KRT75: variants seen among roughly 807,000 people sequenced by gnomAD.
The protein encoded by KRT75 is keratin, type II cytoskeletal 75.
Under a neutral mutation model 48.8 loss-of-function variants are expected in KRT75, and 35 were observed. The ratio of observed to expected loss-of-function variants is 0.72; its 90% CI spans 0.55 to 0.95. The LOEUF is 0.95. Among genes scored for constraint, KRT75 ranks in the 40% least tolerant of loss-of-function variants. The pLI is 0.00. For missense variants in KRT75, 776 were observed against 709.9 expected, an observed-to-expected ratio of 1.09 and a Z score of -1.06; for synonymous variants, 301 against 282.3, an observed-to-expected ratio of 1.07 and a Z score of -0.66.
At position 52,430,572 on chromosome 12, in the gene KRT75, C is replaced by A. The variant is rs751233083; in HGVS notation, c.1004G>T (p.Arg335Leu). 4 of 1,613,976 alleles carry A rather than the reference C, an allele frequency of 2.5e-6. No homozygotes were observed. The highest frequency in any genetic ancestry group is 3.4e-6 in the Non-Finnish European group (4 of 1,180,016). ...CTGGTACCAGGACTCAGCCTCGGCC[C>A]GGCTGCGGTTGGCAATGTCCTCGTA... ...AQYEDIANRSRAEAESWYQTK... is the reference protein window; with the variant it reads ...AQYEDIANRSLAEAESWYQTK... The change falls in exon 5 of 9, where the codon CGG becomes CTG. Residue 335 changes from arginine (R) to leucine (L), a missense_variant. By Grantham distance (102) the Arg-to-Leu change is moderately radical. Transcript: ENST00000252245.
chr12:52,425,824 G>A (rs1372366909), intron 8 of KRT75, among the ~76,000 whole-genome samples: 1 of 152,236 alleles, frequency 6.6e-6, no homozygotes, highest in Non-Finnish European at 1.5e-5. Context: ...CTCCGGAACT[G>A]TGAGACAAGA....
chr12:52,426,260 C>G (rs1310429215), intron 8 of KRT75, among the ~76,000 whole-genome samples: 2 of 152,246 alleles, frequency 1.3e-5, no homozygotes, highest in Non-Finnish European at 1.5e-5. Flanking sequence ...CTGTAGCCAA[C>G]TGCCATATTT....
Position 52,424,871 on chromosome 12 carries a change from C to CA in KRT75, c.1418-117dup, listed in dbSNP as rs1404714617. On this transcript the variant is annotated intron_variant, in intron 8 of 8. Transcript: ENST00000252245. The stretch of plus-strand genomic sequence containing the variant: ...GGGAGGGGGTGGTCTCGTCAGCCAG[C>CA]AGTTTGCCTCCTTCCAATGTCCCCT... 4 of 812,844 alleles carry CA rather than the reference C, an allele frequency of 4.9e-6. No individual in the cohort carries two copies. The Admixed American group carries it at 7.0e-5, about 14-fold the overall frequency. The allele number at this position is 812,844 out of a possible 1,614,324, so 50.4% of individuals were successfully genotyped here. A position where few individuals can be genotyped will look rare whatever the true frequency, so the allele number is the denominator to read the frequency against.
chr12:52,430,326 G>A (rs777748089), intron 5 of KRT75, among the ~76,000 whole-genome samples: 3 of 152,082 alleles, frequency 2.0e-5, no homozygotes, highest in Non-Finnish European at 4.4e-5. Context: ...GCCAGTGGAT[G>A]TCCTGAGCTC....
Position 52,433,092 on chromosome 12 carries a change from C to A in KRT75, c.659G>T (p.Arg220Met). 6.2e-7 allele frequency: 1 copy of A among 1,614,074 alleles called. No individual in the cohort carries two copies. The stretch of plus-strand genomic sequence containing the variant: ...CATGTTCCTCAGTTCAGCTTCAAGC[C>A]TGCCCCTCTCGGTGGTGATGCTTTC... ...QLESITTERG[R>M]LEAELRNMQD... is the part of the protein sequence containing the mutation. The change falls in exon 2 of 9, where the codon AGG becomes ATG. Residue 220 changes from arginine to methionine, a missense_variant. Physicochemically the swap from Arg to Met is moderately conservative, Grantham distance 91 (BLOSUM62 -1). Coordinates refer to ENST00000252245, the MANE Select transcript of KRT75 (RefSeq NM_004693.3).
At chr12:52,425,495 T>C (rs1940065903) in intron 8 of KRT75, among the ~76,000 whole-genome samples, 1 of 152,200 alleles carries the variant, frequency 6.6e-6, no homozygotes, top group Non-Finnish European at 1.5e-5. Flanking sequence ...GGCCCTGATC[T>C]AACATGACTG....
chr12:52,429,245 AGACCAAC>A (rs1403916723), intron 5 of KRT75, among the ~76,000 whole-genome samples: 8 of 152,190 alleles, frequency 5.3e-5, no homozygotes, highest in East Asian at 1.9e-4. Flanking sequence ...GCGTGCATCC[AGACCAAC>A]TGTGCCCATG....
At chr12:52,425,376 C>T (rs1940064675) in intron 8 of KRT75, among the ~76,000 whole-genome samples, 5 of 152,212 alleles carry the variant, frequency 3.3e-5, no homozygotes, top group Admixed American at 3.3e-4. Flanking sequence ...TGAATTGTGT[C>T]CTTCAAAAAC....
rs773821007 is a variant in KRT75 at position 52,428,296 on chromosome 12, T to A, written c.1342A>T (p.Ile448Phe). 1 of 1,614,016 alleles carries A rather than the reference T, an allele frequency of 6.2e-7. No homozygotes were observed. Among genetic ancestry groups the A allele is most frequent in the Non-Finnish European group, 8.5e-7 (1 of 1,180,004 alleles). ...MNIKLALDVEIATYRKLLEGE... is the reference protein window; with the variant it reads ...MNIKLALDVEFATYRKLLEGE... ...TCCAGCAGCTTGCGGTAGGTGGCGA[T>A]CTCCACGTCCAGGGCCAGCTTGATG... Residue 448 changes from isoleucine to phenylalanine, a missense_variant, in exon 7 of 9, where the codon ATC (isoleucine) becomes TTC (phenylalanine). Coordinates refer to ENST00000252245, the MANE Select transcript of KRT75 (RefSeq NM_004693.3).
chr12:52,430,627 C>A lies in KRT75; in HGVS notation c.949G>T (p.Asp317Tyr). The A allele has an allele frequency of 6.2e-7, 1 of 1,614,180 alleles. No individual in the cohort carries two copies. The highest frequency in any genetic ancestry group is 8.5e-7 in the Non-Finnish European group (1 of 1,180,038). Residue 317 changes from aspartate to tyrosine, a missense_variant, in exon 5 of 9, where the codon GAT (aspartate) becomes TAT (tyrosine). Transcript: ENST00000252245. ...SMDNNRNLDL[D>Y]SIIAEVKAQY... ...GCTTTGACCTCGGCGATGATACTAT[C>A]CAGGTCCAGGTTGCGGTTGTTGTCC... is the stretch of plus-strand genomic sequence containing the variant.
chr12:52,430,764 T>C (rs1940135120), intron 4 of KRT75, 59 bp from the exon 5 acceptor site: 1 of 1,595,614 alleles, frequency 6.3e-7, no homozygotes, highest in African/African-American at 1.3e-5. Context: ...TAAATCTTCG[T>C]GGTTAACTAC....
Position 52,433,977 on chromosome 12 carries a change from C to T in KRT75, c.328G>A (p.Gly110Ser), listed in dbSNP as rs759016392. ...YGGGVGGGFSGPSFPVCPPGG... is the reference protein window; with the variant it reads ...YGGGVGGGFSSPSFPVCPPGG... ...GGGGGACACACGGGGAAGCTGGGGCCACTGAAGCCTCCTCCAACTCCACCC... is the reference window on the plus strand; with the variant it reads ...GGGGGACACACGGGGAAGCTGGGGCTACTGAAGCCTCCTCCAACTCCACCC... Residue 110 changes from glycine to serine, a missense_variant, in exon 1 of 9, where the codon GGC becomes AGC. Coordinates refer to ENST00000252245, the MANE Select transcript of KRT75 (RefSeq NM_004693.3). The T allele has an allele frequency of 6.2e-6, 10 of 1,614,178 alleles. No homozygotes were observed. The highest frequency in any genetic ancestry group is 8.5e-6 in the Non-Finnish European group (10 of 1,180,022).
chr12:52,427,559 A>G (rs1317579163), intron 7 of KRT75, among the ~76,000 whole-genome samples: 1 of 152,268 alleles, frequency 6.6e-6, no homozygotes, highest in African/African-American at 2.4e-5. Flanking sequence ...AGACAGATTC[A>G]TCTGACACCA....
At chr12:52,432,537 G>A (rs916242678) in intron 2 of KRT75, among the ~76,000 whole-genome samples, 1 of 152,124 alleles carries the variant, frequency 6.6e-6, no homozygotes, top group African/African-American at 2.4e-5. Flanking sequence ...TGGCTAATGG[G>A]TTAGTCTGGA....
At position 52,432,081 on chromosome 12, in the gene KRT75, C is replaced by A; in HGVS notation, c.714-15G>T. ...CATCTTCGTACCTATAAGGACAGAGCGGGGGGTGTGCTGTTGAGCAAGTCT... is the reference window on the plus strand; with the variant it reads ...CATCTTCGTACCTATAAGGACAGAGAGGGGGGTGTGCTGTTGAGCAAGTCT... On this transcript the variant is annotated splice_polypyrimidine_tract_variant and intron_variant, in intron 2 of 8. Coordinates refer to ENST00000252245, the MANE Select transcript of KRT75 (RefSeq NM_004693.3). The A allele has an allele frequency of 1.9e-6, 3 of 1,613,886 alleles. No individual in the cohort carries two copies. The highest frequency in any genetic ancestry group is 1.3e-5 in the African/African-American group (1 of 75,000).
chr12:52,429,610 A>T (rs1335719021), intron 5 of KRT75, among the ~76,000 whole-genome samples: 1 of 152,136 alleles, frequency 6.6e-6, no homozygotes, highest in African/African-American at 2.4e-5. Flanking sequence ...ACCCAACAAC[A>T]TGAGGAATCG....
chr12:52,429,870 C>T (rs181752331), intron 5 of KRT75, among the ~76,000 whole-genome samples: 2 of 152,218 alleles, frequency 1.3e-5, no homozygotes, highest in Admixed American at 6.5e-5. Context: ...TCAATTGTAC[C>T]CCGCAAAGCC....
chr12:52,424,646 C>T lies in KRT75; in HGVS notation c.1527G>A (p.Gly509=). Residue 509 remains glycine (G), a synonymous_variant, in exon 9 of 9, where the codon GGG becomes GGA. Transcript: ENST00000252245. ...CTCCCAGGCCTGCACCCAGGCTATG[C>T]CCACCACTGGTGGTGAAGGAGTAGC... The part of the protein sequence containing the change: ...GSGYSFTTSG[G]HSLGAGLGGS... The T allele has an allele frequency of 6.2e-7, 1 of 1,614,130 alleles. No individual in the cohort carries two copies. Among genetic ancestry groups the T allele is most frequent in the Non-Finnish European group, 8.5e-7 (1 of 1,179,974 alleles).
Position 52,434,253 on chromosome 12 carries a change from T to G in KRT75, c.52A>C (p.Ser18Arg). 2 of 1,588,520 alleles carry G rather than the reference T, an allele frequency of 1.3e-6. No individual in the cohort carries two copies. The highest frequency in any genetic ancestry group is 1.1e-5 in the South Asian group (1 of 87,112). Residue 18 changes from serine to arginine, a missense_variant, in exon 1 of 9, where the codon AGC becomes CGC. Ser to Arg is a moderately radical substitution (Grantham distance 110). Transcript: ENST00000252245. ...GCCGGGGTGATGGCCGAGGTGGTGC[T>G]GAAGCCCCTGCGGCTGCCAGACTGG... Reference protein sequence around the residue: ...TFQSGSRRGFSTTSAITPAAG... With the variant: ...TFQSGSRRGFRTTSAITPAAG...
Sources: allele counts gnomAD v4.1 joint callset (sites outside exome capture counted in the v4.1 genomes callset), GRCh38; gene constraint gnomAD v4.1.1; transcripts MANE v1.5; gene names NCBI Gene and HGNC (gene_info 2026-07-23, HGNC 2026-07-21).